PCDHGA5: variants seen among roughly 807,000 people sequenced by gnomAD.
PCDHGA5 encodes the protein protocadherin gamma subfamily A, 5, also known as protocadherin gamma-A5.
A neutral mutation model predicts 56.7 loss-of-function variants in PCDHGA5; 36 were observed. That is an observed-to-expected ratio of 0.64 (90% CI 0.49 to 0.84). The LOEUF (loss-of-function observed/expected upper bound fraction) is 0.84, where lower values mean the gene tolerates loss of function less well. Among genes scored for constraint, PCDHGA5 ranks in the 40% least tolerant of loss-of-function variants. PCDHGA5 has a pLI of 0.00. For missense variants in PCDHGA5, 1,305 were observed against 1,201.5 expected, an observed-to-expected ratio of 1.09 and a Z score of -1.27; for synonymous variants, 563 against 520.2, an observed-to-expected ratio of 1.08 and a Z score of -1.12.
At chr5:141,456,099 G>A (rs1428094221) in intron 1 of PCDHGA5, among the ~76,000 whole-genome samples, 5 of 151,980 alleles carry the variant, frequency 3.3e-5, no homozygotes, top group East Asian at 1.9e-4. Flanking sequence ...GGATTTCACC[G>A]TGTTAGCCAG....
chr5:141,450,663 T>C (rs957466690), intron 1 of PCDHGA5, among the ~76,000 whole-genome samples: 1 of 151,652 alleles, frequency 6.6e-6, no homozygotes, highest in Non-Finnish European at 1.5e-5. Flanking sequence ...ATTTTTGTAC[T>C]TTTAGTAGAA....
In PCDHGA5 at chr5:141,409,025, G is replaced by T. The variant is rs202094928; in HGVS notation, c.2421+42274G>T. Reference sequence around the variant, plus strand: ...CACTGACCAGGATGAGGGGGTCAATGCTGAGATAAACTACTACTTCCGAAG... The same window carrying T: ...CACTGACCAGGATGAGGGGGTCAATTCTGAGATAAACTACTACTTCCGAAG... On this transcript the variant is annotated intron_variant, in intron 1 of 3. Coordinates refer to ENST00000518069, the MANE Select transcript of PCDHGA5 (RefSeq NM_018918.3). 2.9e-3 allele frequency: 4,667 copies of T among 1,614,008 alleles called. 11 individuals are homozygous for T. The highest frequency in any genetic ancestry group is 3.6e-3 in the Non-Finnish European group (4,254 of 1,179,906).
At chr5:141,376,175 G>A (rs551078264) in intron 1 of PCDHGA5, 5 of 1,614,148 alleles carry the variant, frequency 3.1e-6, no homozygotes, top group African/African-American at 1.3e-5. Flanking sequence ...GGTGGCGGTG[G>A]CCGCGGTCTC....
chr5:141,406,096 G>A (rs966441415), intron 1 of PCDHGA5, among the ~76,000 whole-genome samples: 1 of 150,800 alleles, frequency 6.6e-6, no homozygotes, highest in Non-Finnish European at 1.5e-5. Context: ...TTAAGAGATG[G>A]GGGTGTCATT....
At chr5:141,448,748 G>A (rs1476665217) in intron 1 of PCDHGA5, among the ~76,000 whole-genome samples, 1 of 151,980 alleles carries the variant, frequency 6.6e-6, no homozygotes, top group Admixed American at 6.6e-5. Context: ...AGACCATCCT[G>A]GCTAACACGG....
At chr5:141,397,546 T>C (rs576089094) in intron 1 of PCDHGA5, among the ~76,000 whole-genome samples, 2 of 152,300 alleles carry the variant, frequency 1.3e-5, no homozygotes, top group South Asian at 2.1e-4. Flanking sequence ...GAAATCAGTA[T>C]AGTATGAAGG....
intron 1 of PCDHGA5, chr5:141,384,846 C>T: frequency 1.2e-6 from 2 of 1,613,586 alleles, no homozygotes; most frequent in Non-Finnish European, 1.7e-6. Context: ...TCCAGGACCA[C>T]GGTCAGCCTC....
chr5:141,452,252 C>T (rs868364679), intron 1 of PCDHGA5, among the ~76,000 whole-genome samples: 2 of 152,106 alleles, frequency 1.3e-5, no homozygotes, highest in Non-Finnish European at 2.9e-5. Context: ...TTTGCCATAA[C>T]TCTCTCATTT....
intron 1 of PCDHGA5, chr5:141,393,310 C>A (rs775937552): frequency 1.2e-6 from 2 of 1,613,388 alleles, no homozygotes; most frequent in African/African-American, 2.7e-5. Flanking sequence ...GGCGTGAACT[C>A]CCTCCAGAGC....
intron 1 of PCDHGA5, chr5:141,384,297 C>A (rs753406812): frequency 1.2e-6 from 2 of 1,613,848 alleles, no homozygotes; most frequent in South Asian, 2.2e-5. Context: ...AGAACAACCC[C>A]AGAGGGGCCT....
rs149314216 is a variant in PCDHGA5, at chr5:141,487,041, G to A, written c.2422-7766G>A. 2.1e-3 allele frequency: 3,442 copies of A among 1,614,128 alleles called. 3 individuals carry two copies. Among genetic ancestry groups the A allele is most frequent in the Non-Finnish European group, 2.7e-3 (3,235 of 1,180,026 alleles). ...GATCCCAGCCTGTTTGCAGTCTCTC[G>A]ATATGCTGGGGAGGTGCGGACGGCT... On this transcript the variant is annotated intron_variant, in intron 1 of 3. Transcript: ENST00000518069. The surrounding 1 kb of genome is among the most constrained non-coding windows in gnomAD (Gnocchi z 5.0).
intron 1 of PCDHGA5, chr5:141,389,725 TC>T (rs756659208): frequency 1.2e-6 from 2 of 1,612,726 alleles, no homozygotes; most frequent in East Asian, 4.5e-5. Flanking sequence ...GAGCCCGGGC[TC>T]TTCAGCCTGG....
chr5:141,415,901 C>A, intron 1 of PCDHGA5: 1 of 847,932 alleles, frequency 1.2e-6, no homozygotes, highest in Non-Finnish European at 1.6e-6. Context: ...CTAAGACAGA[C>A]TTCCATACAG....
In PCDHGA5 at chr5:141,365,854, C is replaced by G. The variant is rs570866859; in HGVS notation, c.1524C>G (p.Asn508Lys). The change falls in exon 1 of 4, where the codon AAC becomes AAG. Residue 508 changes from asparagine (N) to lysine (K), a missense_variant. Transcript: ENST00000518069. The part of the protein sequence containing the change: ...GAPLSSYVSI[N>K]SDTGVLYALR... ...CCTTGTCCTCCTATGTATCCATTAA[C>G]TCTGACACCGGTGTCCTGTATGCTC... 17 of 1,614,060 alleles carry G rather than the reference C, an allele frequency of 1.1e-5. 1 individual carries two copies. In the South Asian group the frequency reaches 1.8e-4, roughly 17 times the overall value.
At chr5:141,433,257 G>A (rs764036349) in intron 1 of PCDHGA5, 4 of 1,385,412 alleles carry the variant, frequency 2.9e-6, no homozygotes, top group Non-Finnish European at 4.0e-6. Context: ...GCAGCGGTAC[G>A]ATCATAGCTC....
chr5:141,429,389 A>ATTT (rs1561841246), intron 1 of PCDHGA5, among the ~76,000 whole-genome samples: 155 of 147,652 alleles, frequency 1.0e-3, no homozygotes, highest in African/African-American at 3.7e-3. Flanking sequence ...TTTTTTTTTA[A>ATTT]AAAAAATTGA....
chr5:141,488,450 C>T (rs2154581002), intron 1 of PCDHGA5, among the ~76,000 whole-genome samples: 1 of 152,314 alleles, frequency 6.6e-6, no homozygotes, highest in East Asian at 1.9e-4. Context: ...TCCTGGGTGA[C>T]CTGATTCAGC....
chr5:141,398,989 T>A lies in PCDHGA5; in HGVS notation c.2421+32238T>A, dbSNP rs766277028. 153 of 1,613,914 alleles carry A rather than the reference T, an allele frequency of 9.5e-5. No individual in the cohort carries two copies. The Middle Eastern group carries it at 3.6e-3, about 38-fold the overall frequency. ...TTCCTTCTACAGAACCGGGCAAATC[T>A]TTAGTCTGAATTCAAAGAGCGGAGA... is the stretch of plus-strand genomic sequence containing the variant. On this transcript the variant is annotated intron_variant, in intron 1 of 3. Coordinates refer to ENST00000518069, the MANE Select transcript of PCDHGA5 (RefSeq NM_018918.3).
Position 141,512,106 on chromosome 5 carries a change from T to A in PCDHGA5, c.*933T>A, listed in dbSNP as rs2099884076. 6.6e-6 allele frequency: 1 copy of A among 152,630 alleles called. No homozygotes were observed. Among genetic ancestry groups the A allele is most frequent in the Non-Finnish European group, 1.5e-5 (1 of 68,060 alleles). 9.5% of individuals were successfully genotyped at this position (152,630 alleles called of 1,614,324 possible). On this transcript the variant is annotated 3_prime_UTR_variant, in exon 4 of 4. Transcript: ENST00000518069. ...TAAACCAATAACTAGGCTGGACCCT[T>A]CCCACTACATAATAGGGCTCAGCCC...
Sources: gnomAD v4.1 joint callset for allele counts (sites outside exome capture counted in the v4.1 genomes callset) on GRCh38, gnomAD v4.1.1 for gene constraint, Gnocchi (gnomAD v3.1) non-coding constraint, MANE v1.5 for transcripts, NCBI Gene and HGNC (gene_info 2026-07-23, HGNC 2026-07-21) for gene names.